VPS13B: variants seen among roughly 807,000 people sequenced by gnomAD.
The protein encoded by VPS13B is intermembrane lipid transfer protein VPS13B.
VPS13B carries 285 observed loss-of-function variants against 426.4 expected under a neutral mutation model. The observed-to-expected ratio is 0.67, with a 90% CI of 0.61 to 0.74. VPS13B has a LOEUF of 0.74. VPS13B is among the 30% of genes least tolerant of loss of function. The probability of loss-of-function intolerance (pLI) is 0.00; values close to 1 mark genes in which losing one functional copy is unlikely to be tolerated. For missense variants in VPS13B, 4,537 were observed against 4,782.6 expected, an observed-to-expected ratio of 0.95 and a Z score of 1.51; for synonymous variants, 1,676 against 1,676.4, an observed-to-expected ratio of 1.00 and a Z score of 0.01.
intron 34 of VPS13B, among the ~76,000 whole-genome samples, chr8:99,660,281 A>G (rs756935230): frequency 2.0e-5 from 3 of 152,258 alleles, no homozygotes; most frequent in Non-Finnish European, 2.9e-5. Flanking sequence ...GGCAGAATTT[A>G]TATGCCCACT....
intron 3 of VPS13B, among the ~76,000 whole-genome samples, chr8:99,095,974 A>G (rs924172890): frequency 2.0e-5 from 3 of 152,142 alleles, no homozygotes; most frequent in Non-Finnish European, 4.4e-5. Flanking sequence ...TTGCACTTAC[A>G]TAGAGATGGA....
intron 17 of VPS13B, among the ~76,000 whole-genome samples, 166 bp from the exon 18 acceptor site, chr8:99,274,032 G>A (rs892442212): frequency 1.3e-5 from 2 of 152,050 alleles, no homozygotes; most frequent in Admixed American, 6.5e-5. Flanking sequence ...TTTTAAATTT[G>A]CATCCTTTCA....
chr8:99,871,323 G>C, intron 60 of VPS13B, 125 bp from the exon 61 acceptor site: 1 of 1,399,786 alleles, frequency 7.1e-7, no homozygotes, highest in Non-Finnish European at 1.0e-6. Context: ...AAGCTAAAAT[G>C]GGTAACTGGA....
At chr8:99,238,515 T>C (rs1388828646) in intron 17 of VPS13B, among the ~76,000 whole-genome samples, 1 of 152,174 alleles carries the variant, frequency 6.6e-6, no homozygotes, top group Non-Finnish European at 1.5e-5. Flanking sequence ...AAAAGTAGAA[T>C]AAATTTTGGT....
At chr8:99,245,430 A>G (rs1470126216) in intron 17 of VPS13B, among the ~76,000 whole-genome samples, 1 of 152,208 alleles carries the variant, frequency 6.6e-6, no homozygotes, top group Non-Finnish European at 1.5e-5. Flanking sequence ...CATGATTTGA[A>G]CCGCTAAGAA....
Position 99,720,885 on chromosome 8 carries a change from C to A in VPS13B, c.6888C>A (p.Val2296=). ...QDAESLKLPG[V]YEVLFYNETE... The stretch of plus-strand genomic sequence containing the variant: ...CAGAATCTTTGAAATTGCCTGGGGT[C>A]TATGAAGTCTTATTTTATAATGAAA... The change falls in exon 39 of 62, where the codon GTC becomes GTA. Residue 2296 remains valine, a synonymous_variant. Coordinates refer to ENST00000357162, the MANE Select transcript of VPS13B (RefSeq NM_152564.5). The A allele has an allele frequency of 6.2e-7, 1 of 1,613,656 alleles. No individual in the cohort carries two copies. The highest frequency in any genetic ancestry group is 8.5e-7 in the Non-Finnish European group (1 of 1,179,816).
rs1385651540 is a variant in VPS13B at position 99,876,097 on chromosome 8, T to C, written c.*431T>C. 1.6e-5 allele frequency: 1 copy of C among 61,460 alleles called. No individual in the cohort carries two copies. Among genetic ancestry groups the C allele is most frequent in the Non-Finnish European group, 2.6e-5 (1 of 38,318 alleles). The allele number at this position is 61,460 out of a possible 1,614,324, so 3.8% of individuals were successfully genotyped here. On this transcript the variant is annotated 3_prime_UTR_variant, in exon 62 of 62. Transcript: ENST00000357162. ...CTCTACTGTAATTAATTTGGGTCTA[T>C]TATTAACTCTCTGTTCCATCATAGA...
Position 99,712,473 on chromosome 8 carries a change from C to T in VPS13B, c.6455-4698C>T, listed in dbSNP as rs573794345. Among the ~76,000 whole-genome samples, 7 of 152,304 alleles carry T rather than the reference C, an allele frequency of 4.6e-5. No homozygotes were observed. The South Asian group carries it at 1.4e-3, about 32-fold the overall frequency. ...AGTTCCCCATCCTGCTAGACTATTT[C>T]CCGGCAAACCAGTCATTGGATTCCG... On this transcript the variant is annotated intron_variant, in intron 36 of 61. Coordinates refer to ENST00000357162, the MANE Select transcript of VPS13B (RefSeq NM_152564.5).
chr8:99,244,663 A>G (rs771268631), intron 17 of VPS13B, among the ~76,000 whole-genome samples: 192 of 152,218 alleles, frequency 1.3e-3, no homozygotes, highest in South Asian at 1.2e-3. Flanking sequence ...AAATAGTCAT[A>G]TTTTAGAAGA....
At chr8:99,248,534 T>C (rs1353692614) in intron 17 of VPS13B, among the ~76,000 whole-genome samples, 1 of 152,166 alleles carries the variant, frequency 6.6e-6, no homozygotes, top group Admixed American at 6.5e-5. Context: ...TTATAAAGCA[T>C]TAAAATATGT....
chr8:99,762,964 C>T (rs970737469), intron 39 of VPS13B, among the ~76,000 whole-genome samples: 2 of 151,154 alleles, frequency 1.3e-5, no homozygotes, highest in African/African-American at 2.4e-5. Context: ...AGAGGGAGAC[C>T]GTGTCTCTAT....
At chr8:99,356,213 G>A (rs1031123233) in intron 19 of VPS13B, among the ~76,000 whole-genome samples, 1 of 152,096 alleles carries the variant, frequency 6.6e-6, no homozygotes, top group Non-Finnish European at 1.5e-5. Context: ...TTGTGACTAT[G>A]TTTCTTTTTC....
chr8:99,528,926 GT>G (rs1330955754), intron 30 of VPS13B, among the ~76,000 whole-genome samples: 1 of 151,452 alleles, frequency 6.6e-6, no homozygotes, highest in African/African-American at 2.4e-5. Flanking sequence ...TTTATATCCT[GT>G]TTTTTAAAAT....
At chr8:99,500,454 CATTCAT>C (rs1171870232) in intron 25 of VPS13B, among the ~76,000 whole-genome samples, 3 of 152,060 alleles carry the variant, frequency 2.0e-5, no homozygotes, top group Non-Finnish European at 4.4e-5. Flanking sequence ...TCTTCATTCA[CATTCAT>C]ATTTCTATTT....
intron 1 of VPS13B, 66 bp downstream of exon 1, chr8:99,013,413 T>A (rs1234744584): frequency 5.8e-6 from 2 of 345,962 alleles, no homozygotes; most frequent in Admixed American, 4.3e-5. Flanking sequence ...TTTGGTTCTA[T>A]GGTGGCAGAT....
chr8:99,546,497 G>A (rs1176189169), intron 30 of VPS13B, among the ~76,000 whole-genome samples: 1 of 151,932 alleles, frequency 6.6e-6, no homozygotes, highest in African/African-American at 2.4e-5. Flanking sequence ...TTCCCATTTG[G>A]ACTATGCTGT....
At position 99,832,519 on chromosome 8, in the gene VPS13B, C is replaced by T. The variant is rs201494563; in HGVS notation, c.9481C>T (p.Leu3161=). The T allele has an allele frequency of 2.5e-6, 4 of 1,613,838 alleles. No individual in the cohort carries two copies. Among genetic ancestry groups the T allele is most frequent in the African/African-American group, 1.3e-5 (1 of 74,952 alleles). ...ATCCCTGCTTCAGAAACAGATCATG[C>T]TGGGCTTTTCTCCTGCCCCAGGTGC... ...DASLLQKQIM[L]GFSPAPGADS... is the part of the protein sequence containing the mutation. Residue 3161 remains leucine (L), a synonymous_variant, in exon 52 of 62, where the codon CTG becomes TTG. Coordinates refer to ENST00000357162, the MANE Select transcript of VPS13B (RefSeq NM_152564.5).
chr8:99,746,838 A>G (rs1241069748), intron 39 of VPS13B, among the ~76,000 whole-genome samples: 1 of 152,146 alleles, frequency 6.6e-6, no homozygotes, highest in Non-Finnish European at 1.5e-5. Context: ...CTAATGTTAT[A>G]CATGCTTAGT....
intron 43 of VPS13B, among the ~76,000 whole-genome samples, chr8:99,793,423 A>T (rs753454092): frequency 1.3e-5 from 2 of 152,126 alleles, no homozygotes; most frequent in East Asian, 3.9e-4. Flanking sequence ...CATTAGGAGA[A>T]CAACAATCAA....
Sources: gnomAD v4.1 joint callset for allele counts (sites outside exome capture counted in the v4.1 genomes callset) on GRCh38, gnomAD v4.1.1 for gene constraint, MANE v1.5 for transcripts, NCBI Gene and HGNC (gene_info 2026-07-23, HGNC 2026-07-21) for gene names.